CHST9: variants seen among roughly 807,000 people sequenced by gnomAD.
CHST9 encodes the protein GalNAc-4-sulfotransferase 2.
In CHST9, 41 loss-of-function variants were observed where a neutral mutation model predicts 44.4. The ratio of observed to expected loss-of-function variants is 0.92; its 90% confidence interval spans 0.72 to 1.20. The LOEUF is 1.20. CHST9 is among the 50% of genes most tolerant of loss of function. The probability of loss-of-function intolerance (pLI) is 0.00; values close to 1 mark genes in which losing one functional copy is unlikely to be tolerated. For missense variants in CHST9, 504 were observed against 516.5 expected (o/e 0.98, Z 0.23); for synonymous variants, 171 against 178.4 (o/e 0.96, Z 0.33).
Position 26,915,576 on chromosome 18 carries a change from A to G in CHST9, c.*683T>C, listed in dbSNP as rs765109404. 9 of 152,166 alleles carry G rather than the reference A, an allele frequency of 5.9e-5. No individual in the cohort carries two copies. Among genetic ancestry groups the G allele is most frequent in the Non-Finnish European group, 1.2e-4 (8 of 68,026 alleles). 9.4% of individuals were successfully genotyped at this position (152,166 alleles called of 1,614,324 possible). On this transcript the variant is annotated 3_prime_UTR_variant, in exon 6 of 6. Transcript: ENST00000618847. ...ATTTTGTCTCTTTGTGGAAGGCTCA[A>G]AAGAAAACAGAATCAATTCCCTTAA...
chr18:26,952,525 G>C (rs2056263852), intron 4 of CHST9: 1 of 459,560 alleles, frequency 2.2e-6, no homozygotes, highest in African/African-American at 2.0e-5. Flanking sequence ...AGCAGCACTT[G>C]GTACCTGGGT....
intron 5 of CHST9, among the ~76,000 whole-genome samples, chr18:26,922,302 C>A (rs1335912413): frequency 1.3e-5 from 2 of 152,178 alleles, no homozygotes; most frequent in Non-Finnish European, 2.9e-5. Flanking sequence ...TCCATGACAA[C>A]CACCCAGGTC....
chr18:26,917,176 C>T lies in CHST9; in HGVS notation c.415G>A (p.Ala139Thr), dbSNP rs1293283511. The change falls in exon 6 of 6, where the codon GCT (alanine) becomes ACT (threonine). Residue 139 changes from alanine to threonine, a missense_variant. Ala to Thr is a moderately conservative substitution (Grantham distance 58). Transcript: ENST00000618847. The stretch of plus-strand genomic sequence containing the variant: ...CTGAACTTGTTAAAAACAGTCTTAG[C>T]TCCTTGACGTTTTTCAATCAACTTC... Reference protein sequence around the residue: ...TEKLIEKRQGAKTVFNKFSNM... With the variant: ...TEKLIEKRQGTKTVFNKFSNM... The T allele has an allele frequency of 4.3e-6, 7 of 1,613,896 alleles. No homozygotes were observed. The highest frequency in any genetic ancestry group is 5.9e-6 in the Non-Finnish European group (7 of 1,179,866).
intron 2 of CHST9, among the ~76,000 whole-genome samples, chr18:27,117,357 C>T (rs1471168248): frequency 6.6e-6 from 1 of 152,148 alleles, no homozygotes; most frequent in African/African-American, 2.4e-5. Flanking sequence ...CCATTTTCAA[C>T]ATCCCTCATT....
At chr18:27,014,544 T>G (rs890599987) in intron 4 of CHST9, among the ~76,000 whole-genome samples, 1 of 135,442 alleles carries the variant, frequency 7.4e-6, no homozygotes, top group African/African-American at 2.8e-5. Context: ...TCAACAAACA[T>G]ATATTTTATA....
intron 2 of CHST9, among the ~76,000 whole-genome samples, chr18:27,093,703 G>A (rs1215861450): frequency 2.0e-5 from 3 of 152,218 alleles, no homozygotes; most frequent in Admixed American, 1.3e-4. Flanking sequence ...TGCTTCCCAG[G>A]TGATGCGACG....
chr18:27,064,268 C>T (rs970141058), intron 2 of CHST9, among the ~76,000 whole-genome samples: 2 of 124,864 alleles, frequency 1.6e-5, no homozygotes, highest in Admixed American at 7.8e-5. Flanking sequence ...AGCCTTACAG[C>T]GAAAAAAAAA....
At chr18:27,113,191 A>G (rs999488977) in intron 2 of CHST9, among the ~76,000 whole-genome samples, 4 of 11,368 alleles carry the variant, frequency 3.5e-4, no homozygotes, top group African/African-American at 2.3e-3. Flanking sequence ...TCCATCTCAG[A>G]AAAAAAAAAA....
chr18:26,922,909 T>A (rs2055689145), intron 5 of CHST9, among the ~76,000 whole-genome samples: 1 of 152,216 alleles, frequency 6.6e-6, no homozygotes, highest in South Asian at 2.1e-4. Flanking sequence ...CTGCTGGGAT[T>A]ACAGGCATGA....
intron 4 of CHST9, among the ~76,000 whole-genome samples, chr18:26,986,997 A>T (rs1422899346): frequency 6.6e-6 from 1 of 152,234 alleles, no homozygotes; most frequent in Admixed American, 6.5e-5. Flanking sequence ...ATTATTAGCC[A>T]TGTGAGTAAA....
intron 1 of CHST9, among the ~76,000 whole-genome samples, chr18:27,166,843 A>T (rs976923507): frequency 6.6e-6 from 1 of 152,198 alleles, no homozygotes; most frequent in African/African-American, 2.4e-5. Flanking sequence ...TATAAGTTTT[A>T]CGTGGCACAG....
At chr18:27,156,682 A>G (rs892952637) in intron 1 of CHST9, among the ~76,000 whole-genome samples, 4 of 152,132 alleles carry the variant, frequency 2.6e-5, no homozygotes, top group African/African-American at 4.8e-5. Context: ...AGTATCCTAG[A>G]AAGTCATTAT....
intron 2 of CHST9, among the ~76,000 whole-genome samples, chr18:27,076,591 C>A (rs544869768): frequency 5.4e-4 from 82 of 152,280 alleles, no homozygotes; most frequent in African/African-American, 1.9e-3. Flanking sequence ...CTATTGACAG[C>A]AGCTAGGTTT....
rs374071253 is a variant in CHST9, at chr18:26,997,986, T to C, written c.202+26130A>G. Among the ~76,000 whole-genome samples, 3 of 152,286 alleles carry C rather than the reference T, an allele frequency of 2.0e-5. No homozygotes were observed. In the South Asian group the frequency reaches 6.2e-4, roughly 32 times the overall value. The stretch of plus-strand genomic sequence containing the variant: ...TTATTTTTATTTTGAATTCCCATTC[T>C]GCATAGCTAGTAATTTTGCATCTTT... On this transcript the variant is annotated intron_variant, in intron 4 of 5. Transcript: ENST00000618847.
chr18:26,917,041 C>T lies in CHST9; in HGVS notation c.550G>A (p.Glu184Lys). The change falls in exon 6 of 6, where the codon GAG becomes AAG. Residue 184 changes from glutamate to lysine, a missense_variant. Transcript: ENST00000618847. ...ACCCCACCGTATTTCTTGCAAAACT[C>T]CTGAAGGAAAGACCTTCGTTTCTCT... ...TQEKRRSFLQ[E>K]FCKKYGGVSH... The T allele has an allele frequency of 6.2e-7, 1 of 1,613,912 alleles. No individual in the cohort carries two copies. Among genetic ancestry groups the T allele is most frequent in the African/African-American group, 1.3e-5 (1 of 75,024 alleles).
intron 4 of CHST9, among the ~76,000 whole-genome samples, chr18:26,967,694 G>A (rs2056485301): frequency 6.6e-6 from 1 of 152,172 alleles, no homozygotes; most frequent in Non-Finnish European, 1.5e-5. Flanking sequence ...GTGTCAACTT[G>A]ATTGGATTGA....
At chr18:27,030,675 CT>C (rs560582566) in intron 3 of CHST9, among the ~76,000 whole-genome samples, 49 of 152,232 alleles carry the variant, frequency 3.2e-4, no homozygotes, top group South Asian at 2.9e-3. Context: ...TTAGAGCACG[CT>C]TTGTGTAAAA....
chr18:27,053,282 GAAGGA>G (rs1568151340), intron 2 of CHST9, among the ~76,000 whole-genome samples: 5 of 134,244 alleles, frequency 3.7e-5, no homozygotes, highest in African/African-American at 1.4e-4. Flanking sequence ...AGGAGAAGGA[GAAGGA>G]GAAGGAGAAG....
intron 5 of CHST9, among the ~76,000 whole-genome samples, chr18:26,932,469 T>C (rs1198057349): frequency 6.6e-6 from 1 of 152,152 alleles, no homozygotes; most frequent in Non-Finnish European, 1.5e-5. Context: ...TTATTTTAAA[T>C]CTTGGCACTT....
Sources: allele counts gnomAD v4.1 joint callset (sites outside exome capture counted in the v4.1 genomes callset), GRCh38; gene constraint gnomAD v4.1.1; transcripts MANE v1.5; gene names NCBI Gene and HGNC (gene_info 2026-07-23, HGNC 2026-07-21).